Variants in DLGAP1 observed in about 807,000 individuals in gnomAD.
DLGAP1 encodes the protein DLG associated protein 1, also known as disks large-associated protein 1.
Under a neutral mutation model 90.8 loss-of-function variants are expected in DLGAP1, and 11 were observed. The ratio of observed to expected loss-of-function variants is 0.12; its 90% CI spans 0.08 to 0.20. The LOEUF (loss-of-function observed/expected upper bound fraction) is 0.20. Ranked by LOEUF, DLGAP1 falls within the 10% of genes least tolerant of loss-of-function variation. The pLI is 1.00. For missense variants in DLGAP1, 1,050 were observed against 1,333.8 expected (o/e 0.79, Z 3.31); for synonymous variants, 558 against 540.7 (o/e 1.03, Z -0.44).
intron 7 of DLGAP1, among the ~76,000 whole-genome samples, chr18:3,630,428 T>C (rs2058482132): frequency 6.6e-6 from 1 of 152,114 alleles, no homozygotes; most frequent in East Asian, 1.9e-4. Context: ...TCCTGGGTCC[T>C]CAGCTTGATG....
chr18:4,444,424 T>C (rs1240048593), intron 1 of DLGAP1, among the ~76,000 whole-genome samples: 2 of 152,180 alleles, frequency 1.3e-5, no homozygotes, highest in African/African-American at 4.8e-5. Flanking sequence ...TATGGTGCCA[T>C]ATCAGGCAGG....
intron 9 of DLGAP1, among the ~76,000 whole-genome samples, chr18:3,556,567 A>G (rs577411902): frequency 4.6e-5 from 7 of 152,228 alleles, no homozygotes; most frequent in African/African-American, 1.7e-4. Context: ...CGTTTTTCCC[A>G]TGTCTTTTTG....
intron 1 of DLGAP1, among the ~76,000 whole-genome samples, chr18:4,165,779 C>G (rs2076922871): frequency 6.6e-6 from 1 of 152,082 alleles, no homozygotes; most frequent in South Asian, 2.1e-4. Flanking sequence ...ACTACAAAAA[C>G]CATACAAGGA....
intron 7 of DLGAP1, 101 bp from the exon 8 acceptor site, chr18:3,582,349 C>A: frequency 6.7e-7 from 1 of 1,501,576 alleles, no homozygotes; most frequent in Non-Finnish European, 8.9e-7. Context: ...ATGAAACACA[C>A]TGAGACATTT....
At chr18:3,781,513 G>A (rs769105500) in intron 5 of DLGAP1, among the ~76,000 whole-genome samples, 29 of 151,888 alleles carry the variant, frequency 1.9e-4, no homozygotes, top group Non-Finnish European at 2.6e-4. Context: ...CCACCATGCC[G>A]GCTAATTTTT....
chr18:4,284,105 G>T (rs591230), intron 1 of DLGAP1, among the ~76,000 whole-genome samples: 2 of 151,092 alleles, frequency 1.3e-5, no homozygotes, highest in Non-Finnish European at 2.9e-5. Flanking sequence ...GGAGTCTGAG[G>T]CTCAAGCAAT....
intron 7 of DLGAP1, among the ~76,000 whole-genome samples, chr18:3,713,311 C>A (rs1047958744): frequency 1.3e-5 from 2 of 152,106 alleles, no homozygotes; most frequent in Admixed American, 1.3e-4. Flanking sequence ...AGATATTAAC[C>A]CCACAACTGA....
intron 9 of DLGAP1, among the ~76,000 whole-genome samples, chr18:3,545,295 A>G (rs2052948475): frequency 6.6e-6 from 1 of 152,150 alleles, no homozygotes; most frequent in South Asian, 2.1e-4. Context: ...GAAAAAAAAA[A>G]GAAATGGAAT....
intron 5 of DLGAP1, among the ~76,000 whole-genome samples, chr18:3,752,893 C>T (rs745482412): frequency 2.6e-5 from 4 of 151,912 alleles, no homozygotes; most frequent in East Asian, 1.9e-4. Context: ...AATATTGCAC[C>T]GTATGAATAT....
At chr18:3,512,067 T>C (rs2050577828) in intron 10 of DLGAP1, among the ~76,000 whole-genome samples, 1 of 52,016 alleles carries the variant, frequency 1.9e-5, no homozygotes, top group Non-Finnish European at 5.3e-5. Flanking sequence ...TGGTCATGCT[T>C]TTTTTTTTTT....
At chr18:4,009,824 C>T (rs1024546144) in intron 2 of DLGAP1, among the ~76,000 whole-genome samples, 2 of 152,188 alleles carry the variant, frequency 1.3e-5, no homozygotes. Flanking sequence ...GAATGAGTCT[C>T]CTCACCGGAC....
chr18:3,679,562 C>A (rs540247715), intron 7 of DLGAP1, among the ~76,000 whole-genome samples: 1 of 150,706 alleles, frequency 6.6e-6, no homozygotes, highest in African/African-American at 2.4e-5. Context: ...TCTTATGGGT[C>A]ACTGCAACAC....
At chr18:3,743,004 T>A (rs1240960692) in intron 5 of DLGAP1, among the ~76,000 whole-genome samples, 1 of 151,766 alleles carries the variant, frequency 6.6e-6, no homozygotes, top group East Asian at 1.9e-4. Context: ...CATCTTTAAC[T>A]CTCTAATATA....
intron 1 of DLGAP1, among the ~76,000 whole-genome samples, chr18:4,228,698 A>G (rs2078241795): frequency 6.6e-6 from 1 of 152,058 alleles, no homozygotes; most frequent in South Asian, 2.1e-4. Context: ...ATAAAAGTCA[A>G]TAAAAGTCAA....
rs373103183 is a variant in DLGAP1 at position 4,113,824 on chromosome 18, C to G, written c.-159+37356G>C. On this transcript the variant is annotated intron_variant, in intron 2 of 12. Transcript: ENST00000315677. The stretch of plus-strand genomic sequence containing the variant: ...ATAGGGGTCTAGTTTCATCCTTTTG[C>G]AAATGGCTAGCCAGCTATTCCAGCA... Among the ~76,000 whole-genome samples, 32 of 152,220 alleles carry G rather than the reference C, an allele frequency of 2.1e-4. No homozygotes were observed. The East Asian group carries it at 6.2e-3, about 29-fold the overall frequency.
Position 4,342,151 on chromosome 18 carries a change from T to C in DLGAP1, c.-267+112855A>G, listed in dbSNP as rs2081204422. Among the ~76,000 whole-genome samples, 1 of 152,092 alleles carries C rather than the reference T, an allele frequency of 6.6e-6. No homozygotes were observed. The highest frequency in any genetic ancestry group is 2.1e-4 in the South Asian group (1 of 4,830). ...AGACACAAGATTCAATACCTGGCAA[T>C]ATTCAACAGACTCAAAGTGGTAGTC... On this transcript the variant is annotated intron_variant, in intron 1 of 12. Coordinates refer to ENST00000315677, the MANE Select transcript of DLGAP1 (RefSeq NM_004746.4). This position sits in a 1 kb window ranked among gnomAD's most constrained non-coding sequence, Gnocchi z 5.8.
chr18:4,385,281 A>G (rs1387506099), intron 1 of DLGAP1, among the ~76,000 whole-genome samples: 1 of 152,196 alleles, frequency 6.6e-6, no homozygotes, highest in Admixed American at 6.6e-5. Context: ...AAAATGCCAA[A>G]GTAGCAGTGA....
intron 8 of DLGAP1, chr18:3,571,069 T>A (rs1167150920): frequency 6.6e-6 from 1 of 151,950 alleles, no homozygotes; most frequent in African/African-American, 2.4e-5. Flanking sequence ...GTGATAAAAA[T>A]CATATTGGAA....
intron 1 of DLGAP1, among the ~76,000 whole-genome samples, chr18:4,355,602 A>C (rs970528506): frequency 6.6e-6 from 1 of 152,118 alleles, no homozygotes; most frequent in African/African-American, 2.4e-5. Flanking sequence ...CATAAACAGA[A>C]GTGCATATGT....
Sources: gnomAD v4.1 joint callset for allele counts (sites outside exome capture counted in the v4.1 genomes callset) on GRCh38, gnomAD v4.1.1 for gene constraint, Gnocchi (gnomAD v3.1) non-coding constraint, MANE v1.5 for transcripts, NCBI Gene and HGNC (gene_info 2026-07-23, HGNC 2026-07-21) for gene names.